Variants in TRHDE observed in about 807,000 individuals in gnomAD.
The protein encoded by TRHDE is thyrotropin releasing hormone degrading enzyme.
A neutral mutation model predicts 125.7 loss-of-function variants in TRHDE; 72 were observed. The ratio of observed to expected loss-of-function variants is 0.57; its 90% CI spans 0.47 to 0.70. TRHDE has a LOEUF of 0.70. Ranked by LOEUF, TRHDE falls within the 30% of genes least tolerant of loss-of-function variation. TRHDE has a pLI of 0.00. For missense variants in TRHDE, 1,110 were observed against 1,327.1 expected (o/e 0.84, Z 2.54); for synonymous variants, 509 against 509.1 (o/e 1.00, Z 0.00).
intron 2 of TRHDE, among the ~76,000 whole-genome samples, chr12:72,121,519 T>C (rs1875580945): frequency 6.6e-6 from 1 of 152,168 alleles, no homozygotes; most frequent in South Asian, 2.1e-4. Flanking sequence ...CAATGCAAAG[T>C]ACCGCAATCA....
At chr12:72,469,442 G>A (rs1009680925) in intron 3 of TRHDE, among the ~76,000 whole-genome samples, 1 of 152,118 alleles carries the variant, frequency 6.6e-6, no homozygotes, top group Non-Finnish European at 1.5e-5. Context: ...GCCTCTGTAG[G>A]TTCCTGCTGC....
chr12:72,218,935 A>T (rs956881797), intron 2 of TRHDE, among the ~76,000 whole-genome samples: 3 of 152,160 alleles, frequency 2.0e-5, no homozygotes, highest in Non-Finnish European at 4.4e-5. Flanking sequence ...CTATTATTCA[A>T]CCCATTTTAA....
intron 5 of TRHDE, among the ~76,000 whole-genome samples, chr12:72,489,770 C>T (rs1432144938): frequency 1.3e-5 from 2 of 151,632 alleles, no homozygotes; most frequent in South Asian, 2.1e-4. Flanking sequence ...ATACATGGTG[C>T]TGAGAAAGCT....
intron 2 of TRHDE, among the ~76,000 whole-genome samples, chr12:72,320,744 G>A (rs1869051769): frequency 6.6e-6 from 1 of 152,156 alleles, no homozygotes; most frequent in African/African-American, 2.4e-5. Flanking sequence ...TTATATGACA[G>A]AGTATATTAG....
chr12:72,564,791 C>T (rs1283831173), intron 9 of TRHDE, among the ~76,000 whole-genome samples: 2 of 143,226 alleles, frequency 1.4e-5, no homozygotes, highest in South Asian at 2.2e-4. Context: ...CCTCAGCCTC[C>T]GGAGTAGCTG....
At chr12:72,331,222 T>C (rs1388987191) in intron 2 of TRHDE, among the ~76,000 whole-genome samples, 1 of 152,194 alleles carries the variant, frequency 6.6e-6, no homozygotes, top group Non-Finnish European at 1.5e-5. Flanking sequence ...ATAGAACAAG[T>C]AATGGAGCCG....
chr12:72,194,884 C>A (rs772196959), intron 2 of TRHDE, among the ~76,000 whole-genome samples: 28 of 151,996 alleles, frequency 1.8e-4, no homozygotes, highest in Non-Finnish European at 4.0e-4. Flanking sequence ...TGGATACATA[C>A]CCAGTAATGG....
chr12:72,435,150 T>C (rs1874681944), intron 3 of TRHDE, among the ~76,000 whole-genome samples: 1 of 152,214 alleles, frequency 6.6e-6, no homozygotes, highest in Non-Finnish European at 1.5e-5. Flanking sequence ...TGGAGATTTA[T>C]TTGATATGAG....
intron 7 of TRHDE, among the ~76,000 whole-genome samples, chr12:72,552,889 AAGG>A (rs548256784): frequency 8.5e-4 from 130 of 152,296 alleles, no homozygotes; most frequent in African/African-American, 3.0e-3. Flanking sequence ...CTGGCAGAGA[AAGG>A]AGATGATAAT....
rs1400083065 is a variant in TRHDE at position 72,667,161 on chromosome 12, A to T, written c.*3966A>T. Reference sequence around the variant, plus strand: ...AAGTTTACAATAATATATTTAATTAAAATCTACTGGCAATTAGAATTTTAA... The same window carrying T: ...AAGTTTACAATAATATATTTAATTATAATCTACTGGCAATTAGAATTTTAA... On this transcript the variant is annotated 3_prime_UTR_variant, in exon 19 of 19. Coordinates refer to ENST00000261180, the MANE Select transcript of TRHDE (RefSeq NM_013381.3). 1 of 151,962 alleles carries T rather than the reference A, an allele frequency of 6.6e-6. No homozygotes were observed. The allele number at this position is 151,962 out of a possible 1,614,324, so 9.4% of individuals were successfully genotyped here. A position where few individuals can be genotyped will look rare whatever the true frequency, so the allele number is the denominator to read the frequency against.
intron 2 of TRHDE, among the ~76,000 whole-genome samples, chr12:72,375,632 T>C (rs1871843900): frequency 6.6e-6 from 1 of 152,206 alleles, no homozygotes; most frequent in South Asian, 2.1e-4. Context: ...GTAGAATCTT[T>C]TGAAAGCTAT....
At chr12:72,610,000 T>TAA (rs1362105987) in intron 12 of TRHDE, among the ~76,000 whole-genome samples, 2 of 152,212 alleles carry the variant, frequency 1.3e-5, no homozygotes, top group African/African-American at 4.8e-5. Context: ...ATGGAAATCA[T>TAA]AAACTCTGTG....
chr12:72,517,602 G>C (rs1878944653), intron 6 of TRHDE, among the ~76,000 whole-genome samples: 1 of 152,036 alleles, frequency 6.6e-6, no homozygotes, highest in Non-Finnish European at 1.5e-5. Context: ...CCAGCTCCTG[G>C]ATTCATTAAT....
intron 10 of TRHDE, 57 bp from the exon 11 acceptor site, chr12:72,575,198 C>T: frequency 6.4e-7 from 1 of 1,561,006 alleles, no homozygotes; most frequent in Non-Finnish European, 8.8e-7. Flanking sequence ...AGAAAACATA[C>T]TTCATTTCAT....
intron 3 of TRHDE, among the ~76,000 whole-genome samples, chr12:72,413,390 G>A (rs1008571613): frequency 1.3e-5 from 2 of 151,580 alleles, no homozygotes; most frequent in Non-Finnish European, 1.5e-5. Context: ...ATTAAAATGT[G>A]TATCTGGATT....
chr12:72,233,189 G>C (rs1376554286), intron 2 of TRHDE, among the ~76,000 whole-genome samples: 3 of 152,164 alleles, frequency 2.0e-5, no homozygotes. Flanking sequence ...AATGAACCAG[G>C]AGTATGTCCA....
chr12:72,377,495 G>T (rs1199885828), intron 2 of TRHDE, among the ~76,000 whole-genome samples: 1 of 151,822 alleles, frequency 6.6e-6, no homozygotes, highest in African/African-American at 2.4e-5. Flanking sequence ...TTTGCATATT[G>T]GGAATAAAGA....
intron 2 of TRHDE, among the ~76,000 whole-genome samples, chr12:72,252,958 G>T (rs1217654707): frequency 6.6e-6 from 1 of 151,984 alleles, no homozygotes; most frequent in Non-Finnish European, 1.5e-5. Context: ...TACGTTTATT[G>T]TTACTACAGT....
intron 2 of TRHDE, among the ~76,000 whole-genome samples, chr12:72,210,963 T>C (rs148586637): frequency 6.6e-6 from 1 of 152,336 alleles, no homozygotes; most frequent in East Asian, 1.9e-4. Context: ...ATTTCAAAAC[T>C]AATGAAATTT....
Sources: gnomAD v4.1 joint callset for allele counts (sites outside exome capture counted in the v4.1 genomes callset) on GRCh38, gnomAD v4.1.1 for gene constraint, MANE v1.5 for transcripts, NCBI Gene and HGNC (gene_info 2026-07-23, HGNC 2026-07-21) for gene names.